The following OSBPL8 variants were observed in gnomAD, a reference collection of about 807,000 sequenced individuals.
OSBPL8 encodes the protein oxysterol-binding protein-related protein 8.
In OSBPL8, 59 loss-of-function variants were observed where a neutral mutation model predicts 125.5. That is an observed-to-expected ratio of 0.47 (90% confidence interval 0.38 to 0.58). The LOEUF (loss-of-function observed/expected upper bound fraction) is 0.58. Ranked by LOEUF, OSBPL8 falls within the 20% of genes least tolerant of loss-of-function variation. OSBPL8 has a pLI of 0.00. For missense variants in OSBPL8, 758 were observed against 1,047.8 expected (o/e 0.72, Z 3.82); for synonymous variants, 330 against 338.9 (o/e 0.97, Z 0.29).
At chr12:76,471,748 C>G (rs777121866) in intron 2 of OSBPL8, among the ~76,000 whole-genome samples, 17 of 152,192 alleles carry the variant, frequency 1.1e-4, no homozygotes, top group Non-Finnish European at 2.2e-4. Context: ...TTCCTCCAAA[C>G]ACCCATCAAT....
chr12:76,405,651 A>G (rs1321227082), intron 5 of OSBPL8, among the ~76,000 whole-genome samples: 1 of 152,212 alleles, frequency 6.6e-6, no homozygotes, highest in African/African-American at 2.4e-5. Flanking sequence ...TAGTTCTGTA[A>G]TACAAAAAGG....
At chr12:76,508,782 A>G (rs1880684301) in intron 1 of OSBPL8, among the ~76,000 whole-genome samples, 1 of 152,220 alleles carries the variant, frequency 6.6e-6, no homozygotes, top group South Asian at 2.1e-4. Flanking sequence ...CCACGGCAAC[A>G]TCAGCAAGTT....
intron 7 of OSBPL8, 38 bp from the exon 8 acceptor site, chr12:76,397,935 G>GA (rs775617595): frequency 6.3e-7 from 1 of 1,576,750 alleles, no homozygotes; most frequent in Non-Finnish European, 8.7e-7. Context: ...AGGAAGATCT[G>GA]TTCTCCAAGG....
intron 3 of OSBPL8, among the ~76,000 whole-genome samples, chr12:76,456,987 C>T (rs568577282): frequency 1.3e-5 from 2 of 152,126 alleles, no homozygotes; most frequent in East Asian, 1.9e-4. Context: ...TGGGAGCAAC[C>T]GAAGCATCAA....
intron 4 of OSBPL8, among the ~76,000 whole-genome samples, chr12:76,413,848 C>T (rs970058662): frequency 6.6e-6 from 1 of 151,818 alleles, no homozygotes; most frequent in Non-Finnish European, 1.5e-5. Context: ...TAGTCCTTTG[C>T]CAAATGTATT....
chr12:76,400,024 ATTTAT>A (rs1953983362), intron 6 of OSBPL8, 50 bp from the exon 7 acceptor site: 1 of 1,408,258 alleles, frequency 7.1e-7, no homozygotes, highest in Non-Finnish European at 9.6e-7. Context: ...GAAATGAGCA[ATTTAT>A]TTTAAGTTCA....
intron 8 of OSBPL8, 97 bp from the exon 9 acceptor site, chr12:76,394,826 G>A (rs1358046894): frequency 2.5e-6 from 2 of 801,474 alleles, no homozygotes; most frequent in Non-Finnish European, 3.7e-6. Flanking sequence ...TCTAAATCAG[G>A]TATGGATTAT....
In OSBPL8 at chr12:76,410,645, T is replaced by C. The variant is rs144903588; in HGVS notation, c.218-11A>G. On this transcript the variant is annotated splice_polypyrimidine_tract_variant and intron_variant, in intron 4 of 23. Coordinates refer to ENST00000261183, the MANE Select transcript of OSBPL8 (RefSeq NM_020841.5). ...TCCCTCTTTCAAAACCTTAAAAAAA[T>C]AGTCAGCATATCAGTATTACTACTT... The C allele has an allele frequency of 4.6e-3, 7,119 of 1,549,604 alleles. 31 individuals carry two copies. Among genetic ancestry groups the C allele is most frequent in the Non-Finnish European group, 5.3e-3 (5,924 of 1,123,054 alleles).
chr12:76,424,151 C>A (rs1258582882), intron 4 of OSBPL8, among the ~76,000 whole-genome samples: 1 of 152,104 alleles, frequency 6.6e-6, no homozygotes, highest in Admixed American at 6.6e-5. Context: ...CAGGCACCTG[C>A]CACCATGCCT....
rs1174223340 is a variant in OSBPL8, at chr12:76,355,823, A to G, written c.*66T>C. ...TGTGATTTTTAATAAAGACCAAACC[A>G]ACTTGAACACTGGTCCCAGGCCAAA... On this transcript the variant is annotated 3_prime_UTR_variant, in exon 24 of 24. Transcript: ENST00000261183. 9 of 1,534,510 alleles carry G rather than the reference A, an allele frequency of 5.9e-6. No homozygotes were observed. In the African/African-American group the frequency reaches 1.1e-4, roughly 19 times the overall value.
intron 21 of OSBPL8, among the ~76,000 whole-genome samples, chr12:76,365,189 G>A (rs1352241069): frequency 2.6e-5 from 4 of 152,132 alleles, no homozygotes; most frequent in East Asian, 1.9e-4. Flanking sequence ...CAGTCCCTCC[G>A]CCTCGGCCTC....
chr12:76,422,806 A>C, intron 4 of OSBPL8: 1 of 284,640 alleles, frequency 3.5e-6, no homozygotes, highest in South Asian at 3.5e-5. Context: ...AGGACCAAAG[A>C]CTGTCAAATC....
intron 1 of OSBPL8, among the ~76,000 whole-genome samples, chr12:76,522,133 A>G (rs1882122672): frequency 6.6e-6 from 1 of 152,188 alleles, no homozygotes; most frequent in Non-Finnish European, 1.5e-5. Context: ...GATTATTCAC[A>G]CTGAGTCACT....
intron 4 of OSBPL8, among the ~76,000 whole-genome samples, chr12:76,429,244 G>A (rs1041968907): frequency 4.0e-5 from 6 of 148,670 alleles, no homozygotes; most frequent in African/African-American, 1.3e-4. Context: ...AGAAGTATAC[G>A]ACCGTACTTT....
chr12:76,537,255 C>T (rs1950524421), intron 1 of OSBPL8, among the ~76,000 whole-genome samples: 1 of 152,064 alleles, frequency 6.6e-6, no homozygotes, highest in African/African-American at 2.4e-5. Flanking sequence ...TATTTCATAG[C>T]ATACTACTTA....
chr12:76,390,937 T>C (rs1953532770), intron 10 of OSBPL8, among the ~76,000 whole-genome samples: 1 of 152,148 alleles, frequency 6.6e-6, no homozygotes, highest in Non-Finnish European at 1.5e-5. Context: ...TCTCTACCAC[T>C]TGGGGCTAAA....
chr12:76,527,644 TC>T (rs150198167), intron 1 of OSBPL8, among the ~76,000 whole-genome samples: 5,994 of 152,270 alleles, frequency 0.039, 356 homozygotes, highest in African/African-American at 0.13. Flanking sequence ...TCCTACATGT[TC>T]CAATTACTTT....
intron 4 of OSBPL8, among the ~76,000 whole-genome samples, chr12:76,425,153 C>A (rs1483643207): frequency 6.6e-6 from 1 of 152,110 alleles, no homozygotes; most frequent in Non-Finnish European, 1.5e-5. Flanking sequence ...AAACAAGTTT[C>A]AATTTAGAAT....
rs1183033376 is a variant in OSBPL8 at position 76,354,669 on chromosome 12, A to G, written c.*1220T>C. 3 of 152,038 alleles carry G rather than the reference A, an allele frequency of 2.0e-5. No homozygotes were observed. The highest frequency in any genetic ancestry group is 2.0e-4 in the Admixed American group (3 of 15,276). 9.4% of individuals were successfully genotyped at this position (152,038 alleles called of 1,614,324 possible). A position where few individuals can be genotyped will look rare whatever the true frequency, so the allele number is the denominator to read the frequency against. ...ATATTTACGTAAAAACACAAAATCA[A>G]AATATTAAACTGAAGAAACAAACAA... On this transcript the variant is annotated 3_prime_UTR_variant, in exon 24 of 24. Coordinates refer to ENST00000261183, the MANE Select transcript of OSBPL8 (RefSeq NM_020841.5).
Sources: gnomAD v4.1 joint callset for allele counts (sites outside exome capture counted in the v4.1 genomes callset) on GRCh38, gnomAD v4.1.1 for gene constraint, MANE v1.5 for transcripts, NCBI Gene and HGNC (gene_info 2026-07-23, HGNC 2026-07-21) for gene names.